The following BMPR1A variants were observed in gnomAD, a reference collection of about 807,000 sequenced individuals.
The protein encoded by BMPR1A is bone morphogenetic protein receptor type-1A.
In BMPR1A, 7 loss-of-function variants were observed where a neutral mutation model predicts 66.0. The ratio of observed to expected loss-of-function variants is 0.11; its 90% confidence interval spans 0.06 to 0.20. The LOEUF (loss-of-function observed/expected upper bound fraction) is 0.20, where lower values mean the gene tolerates loss of function less well. Ranked by LOEUF, BMPR1A falls within the 10% of genes least tolerant of loss-of-function variation. BMPR1A has a pLI of 1.00. For missense variants in BMPR1A, 408 were observed against 669.1 expected, an observed-to-expected ratio of 0.61 and a Z score of 4.31; for synonymous variants, 200 against 229.7, an observed-to-expected ratio of 0.87 and a Z score of 1.17.
chr10:86,857,717 C>T (rs780962705), intron 2 of BMPR1A, among the ~76,000 whole-genome samples: 14 of 147,706 alleles, frequency 9.5e-5, no homozygotes, highest in Non-Finnish European at 1.5e-4. Flanking sequence ...TATCCTCACA[C>T]TGTGACAGCT....
chr10:86,757,080 C>T (rs932490890), intron 1 of BMPR1A, among the ~76,000 whole-genome samples, 161 bp downstream of exon 1: 4 of 150,902 alleles, frequency 2.7e-5, no homozygotes, highest in African/African-American at 7.3e-5. Flanking sequence ...CGCGCTGGGC[C>T]GGGACCGCCC....
intron 1 of BMPR1A, among the ~76,000 whole-genome samples, chr10:86,798,824 A>C (rs1841763874): frequency 6.6e-6 from 1 of 152,248 alleles, no homozygotes; most frequent in Non-Finnish European, 1.5e-5. Context: ...CCATTCTCAG[A>C]AACTGAAACT....
At chr10:86,790,251 GATTCT>G (rs1841596289) in intron 1 of BMPR1A, among the ~76,000 whole-genome samples, 1 of 112,942 alleles carries the variant, frequency 8.9e-6, no homozygotes, top group Non-Finnish European at 1.7e-5. Flanking sequence ...ACCACAATGA[GATTCT>G]GCTTCTTACC....
intron 1 of BMPR1A, among the ~76,000 whole-genome samples, chr10:86,822,920 G>A (rs922369355): frequency 6.6e-6 from 1 of 152,164 alleles, no homozygotes; most frequent in Non-Finnish European, 1.5e-5. Flanking sequence ...GCAAGCCACT[G>A]TGCCGGCCTG....
intron 7 of BMPR1A, among the ~76,000 whole-genome samples, chr10:86,901,641 G>A (rs1318342400): frequency 6.6e-6 from 1 of 152,086 alleles, no homozygotes; most frequent in Non-Finnish European, 1.5e-5. Flanking sequence ...AGATAAAGAA[G>A]TTTAAAACTC....
At chr10:86,898,916 A>G (rs2133448919) in intron 5 of BMPR1A, among the ~76,000 whole-genome samples, 1 of 152,256 alleles carries the variant, frequency 6.6e-6, no homozygotes, top group African/African-American at 2.4e-5. Context: ...TATTAATAAA[A>G]CTTCATTTAA....
chr10:86,808,257 TC>T (rs1841919828), intron 1 of BMPR1A, among the ~76,000 whole-genome samples: 1 of 152,184 alleles, frequency 6.6e-6, no homozygotes, highest in Admixed American at 6.5e-5. Flanking sequence ...TCTGTAGTGA[TC>T]TTTTTTTTCA....
At chr10:86,883,168 A>G (rs1246265549) in intron 3 of BMPR1A, among the ~76,000 whole-genome samples, 2 of 152,066 alleles carry the variant, frequency 1.3e-5, no homozygotes, top group African/African-American at 4.8e-5. Context: ...TATCGTGGGT[A>G]ATTTTGAAAT....
At chr10:86,833,801 T>A (rs1842305717) in intron 1 of BMPR1A, among the ~76,000 whole-genome samples, 1 of 152,124 alleles carries the variant, frequency 6.6e-6, no homozygotes, top group Non-Finnish European at 1.5e-5. Context: ...AAATGATGTA[T>A]CTGTTCCTAA....
intron 2 of BMPR1A, among the ~76,000 whole-genome samples, chr10:86,868,119 T>C (rs944340499): frequency 7.9e-5 from 12 of 152,166 alleles, no homozygotes; most frequent in African/African-American, 2.7e-4. Flanking sequence ...TTGGCTCTCT[T>C]TGCTCCTGGC....
chr10:86,872,103 C>T (rs928761200), intron 2 of BMPR1A, among the ~76,000 whole-genome samples: 2 of 152,156 alleles, frequency 1.3e-5, no homozygotes, highest in Non-Finnish European at 2.9e-5. Context: ...AATACCAATA[C>T]GTATTGAGCT....
chr10:86,757,689 C>G (rs150087394), intron 1 of BMPR1A, among the ~76,000 whole-genome samples: 13 of 152,314 alleles, frequency 8.5e-5, no homozygotes, highest in Admixed American at 7.8e-4. Context: ...GGTTAACAAA[C>G]TGTTCAGAGT....
At chr10:86,791,599 A>G (rs750602715) in intron 1 of BMPR1A, among the ~76,000 whole-genome samples, 32 of 151,666 alleles carry the variant, frequency 2.1e-4, no homozygotes, top group Non-Finnish European at 4.1e-4. Context: ...AAAGAGATAC[A>G]TGAACTAATG....
chr10:86,857,628 A>G (rs1842658864), intron 2 of BMPR1A, among the ~76,000 whole-genome samples: 1 of 151,862 alleles, frequency 6.6e-6, no homozygotes, highest in Non-Finnish European at 1.5e-5. Context: ...GGGAGAATAC[A>G]CTTCCATGTG....
At chr10:86,812,860 T>C (rs1255658063) in intron 1 of BMPR1A, among the ~76,000 whole-genome samples, 1 of 152,152 alleles carries the variant, frequency 6.6e-6, no homozygotes, top group African/African-American at 2.4e-5. Flanking sequence ...TGTTGTACAT[T>C]ATATGGGTTA....
intron 1 of BMPR1A, among the ~76,000 whole-genome samples, chr10:86,798,005 CTG>C (rs1285795082): frequency 3.3e-5 from 5 of 152,074 alleles, no homozygotes; most frequent in African/African-American, 2.4e-5. Context: ...TTACTTAAGA[CTG>C]TGTTCAAAAC....
intron 2 of BMPR1A, among the ~76,000 whole-genome samples, chr10:86,841,709 G>T (rs949488858): frequency 6.6e-6 from 1 of 152,174 alleles, no homozygotes; most frequent in Non-Finnish European, 1.5e-5. Flanking sequence ...GGTAGCTTTA[G>T]GATGGGGGCT....
intron 5 of BMPR1A, among the ~76,000 whole-genome samples, chr10:86,893,156 TA>T (rs1470713671): frequency 6.6e-6 from 1 of 152,164 alleles, no homozygotes; most frequent in Non-Finnish European, 1.5e-5. Flanking sequence ...ACTTTTAAGA[TA>T]GTGGCAGTAA....
intron 1 of BMPR1A, among the ~76,000 whole-genome samples, chr10:86,789,355 C>T (rs1841566094): frequency 6.6e-6 from 1 of 152,018 alleles, no homozygotes; most frequent in Non-Finnish European, 1.5e-5. Flanking sequence ...GAAAACAAGC[C>T]ATAGAATGGG....
Sources: allele counts gnomAD v4.1 joint callset (sites outside exome capture counted in the v4.1 genomes callset), GRCh38; gene constraint gnomAD v4.1.1; transcripts MANE v1.5; gene names NCBI Gene and HGNC (gene_info 2026-07-23, HGNC 2026-07-21).